Variants in JPH3 observed in about 807,000 individuals in gnomAD.
JPH3 encodes junctophilin-3.
JPH3 carries 11 observed loss-of-function variants against 59.6 expected under a neutral mutation model. That is an observed-to-expected ratio of 0.18 (90% CI 0.12 to 0.31). The LOEUF (loss-of-function observed/expected upper bound fraction) is 0.31, where lower values mean the gene tolerates loss of function less well. Ranked by LOEUF, JPH3 falls within the 10% of genes least tolerant of loss-of-function variation. The pLI, the probability that JPH3 is intolerant of heterozygous loss-of-function variation, is 1.00. For missense variants in JPH3, 1,202 were observed against 1,105.7 expected (o/e 1.09, Z -1.24); for synonymous variants, 673 against 483.6 (o/e 1.39, Z -5.14).
intron 1 of JPH3, among the ~76,000 whole-genome samples, chr16:87,605,818 A>G (rs1436901529): frequency 1.3e-5 from 2 of 152,240 alleles, no homozygotes; most frequent in East Asian, 3.9e-4. Context: ...CTTGCATCAC[A>G]TTGCCGGAAG....
At chr16:87,694,991 T>C in intron 4 of JPH3, 1 of 298,676 alleles carries the variant, frequency 3.3e-6, no homozygotes, top group Non-Finnish European at 6.6e-6. Flanking sequence ...GTGGCTGTTG[T>C]GAATCCTGCT....
chr16:87,644,374 C>T lies in JPH3; in HGVS notation c.499C>T (p.Leu167=). ...RSPLRTSINS[L]RSEHTNGTAL... ...ACCCCTGAGGACGTCCATCAACTCCCTGCGCAGCGAGCACACCAACGGCAC... is the reference window on the plus strand; with the variant it reads ...ACCCCTGAGGACGTCCATCAACTCCTTGCGCAGCGAGCACACCAACGGCAC... Residue 167 remains leucine (L), a synonymous_variant, in exon 2 of 5, where the codon CTG becomes TTG. Coordinates refer to ENST00000284262, the MANE Select transcript of JPH3 (RefSeq NM_020655.4). The T allele has an allele frequency of 2.5e-6, 4 of 1,612,932 alleles. No individual in the cohort carries two copies. Among genetic ancestry groups the T allele is most frequent in the African/African-American group, 1.3e-5 (1 of 75,068 alleles).
intron 4 of JPH3, among the ~76,000 whole-genome samples, chr16:87,691,092 C>CA (rs1030047075): frequency 1.7e-3 from 258 of 149,848 alleles, no homozygotes; most frequent in Admixed American, 2.6e-3. Context: ...CAGCACCCCC[C>CA]CCCCAAATTC....
At chr16:87,695,900 C>G in intron 4 of JPH3, 1 of 455,950 alleles carries the variant, frequency 2.2e-6, no homozygotes, top group Non-Finnish European at 4.4e-6. Context: ...AAGGGGGAGT[C>G]TGGCACTTGG....
rs1597257075 is a variant in JPH3 at position 87,644,312 on chromosome 16, A to G, written c.437A>G (p.Gln146Arg). ...ATGCGCCAGGGCTACGGCGTCCGGC[A>G]GAGCGTCCCGTATGGCATGGCCGCG... ...GGMRQGYGVR[Q>R]SVPYGMAAVI... The change falls in exon 2 of 5, where the codon CAG becomes CGG. Residue 146 changes from glutamine (Q) to arginine (R), a missense_variant. Gln to Arg is a conservative substitution (Grantham distance 43). Transcript: ENST00000284262. 2 of 1,612,760 alleles carry G rather than the reference A, an allele frequency of 1.2e-6. No individual in the cohort carries two copies. The highest frequency in any genetic ancestry group is 1.7e-6 in the Non-Finnish European group (2 of 1,179,856).
At chr16:87,626,882 G>A (rs1329833650) in intron 1 of JPH3, among the ~76,000 whole-genome samples, 1 of 152,202 alleles carries the variant, frequency 6.6e-6, no homozygotes, top group Non-Finnish European at 1.5e-5. Context: ...GCTCATGCCT[G>A]TAATCCCAGC....
At chr16:87,664,181 A>G (rs140241703) in intron 2 of JPH3, among the ~76,000 whole-genome samples, 1 of 152,070 alleles carries the variant, frequency 6.6e-6, no homozygotes, top group Non-Finnish European at 1.5e-5. Flanking sequence ...AATATAAAAA[A>G]TTAGCTGGGC....
At chr16:87,608,257 A>C (rs2030600902) in intron 1 of JPH3, among the ~76,000 whole-genome samples, 1 of 152,226 alleles carries the variant, frequency 6.6e-6, no homozygotes, top group Non-Finnish European at 1.5e-5. Flanking sequence ...GTTCCTTTCC[A>C]AGACTTTTTC....
intron 2 of JPH3, among the ~76,000 whole-genome samples, chr16:87,668,222 G>T (rs1296926984): frequency 1.3e-5 from 2 of 152,194 alleles, no homozygotes; most frequent in Non-Finnish European, 2.9e-5. Context: ...AGCCCTGCGC[G>T]GCTGCTGGAT....
rs1429344598 is a variant in JPH3 at position 87,611,682 on chromosome 16, C to A, written c.382+8154C>A. Reference sequence around the variant, plus strand: ...CAGTGCTTCCCAAGCCTGAGTGTTACAAGAACCACCTGGAAGGTGTGTCAA... The same window carrying A: ...CAGTGCTTCCCAAGCCTGAGTGTTAAAAGAACCACCTGGAAGGTGTGTCAA... On this transcript the variant is annotated intron_variant, in intron 1 of 4. Transcript: ENST00000284262. This position sits in a 1 kb window ranked among gnomAD's most constrained non-coding sequence, Gnocchi z 4.5. 6.6e-6 allele frequency among the ~76,000 whole-genome samples: 1 copy of A among 152,092 alleles called. No homozygotes were observed. The highest frequency in any genetic ancestry group is 1.5e-5 in the Non-Finnish European group (1 of 68,034).
chr16:87,665,738 C>T (rs1000468964), intron 2 of JPH3, among the ~76,000 whole-genome samples: 2 of 152,250 alleles, frequency 1.3e-5, no homozygotes, highest in African/African-American at 2.4e-5. Flanking sequence ...CCCGGCTGCC[C>T]CGAGTCTGGC....
At chr16:87,616,143 G>A (rs555123096) in intron 1 of JPH3, among the ~76,000 whole-genome samples, 28 of 151,760 alleles carry the variant, frequency 1.8e-4, no homozygotes, top group Admixed American at 1.3e-3. Flanking sequence ...TCCAGGGCCC[G>A]GGAACGACAT....
intron 3 of JPH3, 96 bp downstream of exon 3, chr16:87,684,362 G>A (rs1325425996): frequency 4.0e-6 from 6 of 1,508,586 alleles, no homozygotes; most frequent in Non-Finnish European, 5.4e-6. Flanking sequence ...GAGCGGGTAG[G>A]CTTAGATGGG....
Position 87,604,324 on chromosome 16 carries a change from C to A in JPH3, c.382+796C>A, listed in dbSNP as rs532306398. The A allele has an allele frequency of 2.0e-6, 3 of 1,465,820 alleles. No individual in the cohort carries two copies. In the African/African-American group the frequency reaches 4.3e-5, roughly 21 times the overall value. The allele number at this position is 1,465,820 out of a possible 1,614,324, so 90.8% of individuals were successfully genotyped here. On this transcript the variant is annotated intron_variant, in intron 1 of 4. Transcript: ENST00000284262. ...GCTGCTGCTGCTGCTGCTGCTGCTGCTGCTGTAAGATGGTTTCTGTGCAGG... is the reference window on the plus strand; with the variant it reads ...GCTGCTGCTGCTGCTGCTGCTGCTGATGCTGTAAGATGGTTTCTGTGCAGG...
intron 2 of JPH3, among the ~76,000 whole-genome samples, chr16:87,666,908 G>T (rs769797532): frequency 1.3e-5 from 2 of 152,236 alleles, no homozygotes; most frequent in Non-Finnish European, 2.9e-5. Context: ...TCTGAACCCA[G>T]GCCGTCGGCT....
chr16:87,662,947 C>A (rs1262130996), intron 2 of JPH3, among the ~76,000 whole-genome samples: 3 of 152,160 alleles, frequency 2.0e-5, no homozygotes, highest in Non-Finnish European at 4.4e-5. Context: ...CTGCTGCTGC[C>A]TGGTTGGTAA....
chr16:87,637,666 C>A (rs932124246), intron 1 of JPH3, among the ~76,000 whole-genome samples: 22 of 152,250 alleles, frequency 1.4e-4, no homozygotes, highest in African/African-American at 4.3e-4. Flanking sequence ...TCGGGGACAA[C>A]CCTGGGATAA....
rs1431196764 is a variant in JPH3 at position 87,606,789 on chromosome 16, AC to A, written c.382+3262del. Reference sequence around the variant, plus strand: ...CTTACAATGATCATTATTAGAACCAACATCTGGACAGGAGACTGGTGATCAT... The same window carrying A: ...CTTACAATGATCATTATTAGAACCAAATCTGGACAGGAGACTGGTGATCAT... On this transcript the variant is annotated intron_variant, in intron 1 of 4. Coordinates refer to ENST00000284262, the MANE Select transcript of JPH3 (RefSeq NM_020655.4). 2.0e-5 allele frequency among the ~76,000 whole-genome samples: 3 copies of A among 152,232 alleles called. No individual in the cohort carries two copies. The East Asian group carries it at 5.8e-4, about 29-fold the overall frequency.
chr16:87,667,969 A>G (rs939602991), intron 2 of JPH3, among the ~76,000 whole-genome samples: 30 of 152,142 alleles, frequency 2.0e-4, no homozygotes, highest in African/African-American at 7.0e-4. Flanking sequence ...TCCACCTGCA[A>G]ATCCTGAGCG....
Sources: allele counts gnomAD v4.1 joint callset (sites outside exome capture counted in the v4.1 genomes callset), GRCh38; gene constraint gnomAD v4.1.1; non-coding constraint Gnocchi (gnomAD v3.1); transcripts MANE v1.5; gene names NCBI Gene and HGNC (gene_info 2026-07-23, HGNC 2026-07-21).